The following DOCK1 variants were observed in gnomAD, a reference collection of about 807,000 sequenced individuals.
DOCK1 encodes dedicator of cytokinesis 1.
In DOCK1, 138 loss-of-function variants were observed where a neutral mutation model predicts 262.7. That is an observed-to-expected ratio of 0.53 (90% confidence interval 0.46 to 0.61). The LOEUF is 0.61. Ranked by LOEUF, DOCK1 falls within the 20% of genes least tolerant of loss-of-function variation. The pLI is 0.00. For synonymous variants in DOCK1, 866 were observed against 867.4 expected (o/e 1.00, Z 0.03); for missense variants, 1,908 against 2,370.7 (o/e 0.80, Z 4.05).
intron 1 of DOCK1, among the ~76,000 whole-genome samples, chr10:126,967,145 T>G (rs1466793368): frequency 1.3e-5 from 2 of 152,150 alleles, no homozygotes; most frequent in Non-Finnish European, 2.9e-5. Context: ...AACTGAGCGA[T>G]CAGCAAAAAG....
intron 1 of DOCK1, among the ~76,000 whole-genome samples, chr10:126,914,957 A>T (rs949101420): frequency 6.6e-6 from 1 of 152,080 alleles, no homozygotes; most frequent in African/African-American, 2.4e-5. Context: ...AGAGATGAGG[A>T]TGGTGCATAG....
At chr10:127,153,186 AAAAAG>A (rs2052678944) in intron 27 of DOCK1, among the ~76,000 whole-genome samples, 1 of 152,254 alleles carries the variant, frequency 6.6e-6, no homozygotes, top group African/African-American at 2.4e-5. Context: ...TTACATTTGC[AAAAAG>A]AAAAGAAAAA....
intron 27 of DOCK1, among the ~76,000 whole-genome samples, chr10:127,185,407 T>A (rs2056136923): frequency 6.6e-6 from 1 of 152,110 alleles, no homozygotes; most frequent in Non-Finnish European, 1.5e-5. Flanking sequence ...GTGCCTGTAA[T>A]CCCAGCTACT....
intron 22 of DOCK1, among the ~76,000 whole-genome samples, chr10:127,059,569 C>G (rs781763470): frequency 5.9e-5 from 9 of 152,114 alleles, no homozygotes; most frequent in Non-Finnish European, 8.8e-5. Flanking sequence ...TGTCTACTCT[C>G]TATTTTGTTA....
At position 127,359,055 on chromosome 10, in the gene DOCK1, G is replaced by A. The variant is rs188385461; in HGVS notation, c.3284-3009G>A. The stretch of plus-strand genomic sequence containing the variant: ...TTTTCTTTAAGTCTACACTGCAGGA[G>A]TCACCTTGGTCCTCATTGGTTCCAA... On this transcript the variant is annotated intron_variant, in intron 32 of 51. Transcript: ENST00000623213. Among the ~76,000 whole-genome samples the A allele has an allele frequency of 1.1e-4, 16 of 152,102 alleles. No homozygotes were observed. In the East Asian group the frequency reaches 2.9e-3, roughly 28 times the overall value.
intron 38 of DOCK1, among the ~76,000 whole-genome samples, chr10:127,400,129 G>T (rs2067135782): frequency 6.7e-6 from 1 of 148,704 alleles, no homozygotes; most frequent in African/African-American, 2.5e-5. Flanking sequence ...CTTTTATTTT[G>T]TTATTCAAAG....
At chr10:127,335,344 A>G (rs1049002274) in intron 29 of DOCK1, among the ~76,000 whole-genome samples, 1 of 152,154 alleles carries the variant, frequency 6.6e-6, no homozygotes, top group African/African-American at 2.4e-5. Flanking sequence ...CTGCTGGGCA[A>G]AGGACTATGA....
chr10:127,179,087 A>G (rs1341945376), intron 27 of DOCK1, among the ~76,000 whole-genome samples: 1 of 152,220 alleles, frequency 6.6e-6, no homozygotes, highest in African/African-American at 2.4e-5. Context: ...GCAATTTACT[A>G]GTAATTTATC....
At chr10:127,247,402 C>T (rs1385099561) in intron 27 of DOCK1, among the ~76,000 whole-genome samples, 3 of 152,118 alleles carry the variant, frequency 2.0e-5, no homozygotes, top group Non-Finnish European at 4.4e-5. Context: ...GTGGTGATTG[C>T]CTCCACATCG....
intron 23 of DOCK1, among the ~76,000 whole-genome samples, chr10:127,079,283 G>T (rs182608488): frequency 3.1e-4 from 47 of 152,278 alleles, no homozygotes; most frequent in Middle Eastern, 3.4e-3. Context: ...GACTCCTTCA[G>T]ACTGAAACTT....
chr10:127,034,513 G>A (rs768964149), intron 18 of DOCK1, among the ~76,000 whole-genome samples: 31 of 152,108 alleles, frequency 2.0e-4, no homozygotes, highest in Admixed American at 1.3e-3. Flanking sequence ...TCAGCAGTGC[G>A]GGGCTCAACT....
intron 27 of DOCK1, among the ~76,000 whole-genome samples, chr10:127,200,401 C>T (rs1472447803): frequency 2.0e-5 from 3 of 152,086 alleles, no homozygotes; most frequent in African/African-American, 7.2e-5. Context: ...TTGCAAGAAT[C>T]GATATTATCT....
At chr10:127,248,748 T>A (rs1426132623) in intron 28 of DOCK1, among the ~76,000 whole-genome samples, 1 of 152,200 alleles carries the variant, frequency 6.6e-6, no homozygotes, top group Non-Finnish European at 1.5e-5. Flanking sequence ...TGACTTGAAC[T>A]CTAAGATTCC....
At chr10:126,942,924 T>C (rs2134268491) in intron 1 of DOCK1, among the ~76,000 whole-genome samples, 1 of 152,328 alleles carries the variant, frequency 6.6e-6, no homozygotes, top group African/African-American at 2.4e-5. Flanking sequence ...TAAAATATAT[T>C]GATTTCTTTT....
rs904843778 is a variant in DOCK1, at chr10:127,257,513, A to G, written c.3044+84A>G. On this transcript the variant is annotated intron_variant, in intron 29 of 51. Transcript: ENST00000623213. ...GAACAGTGGTGTTGCCTGGAGACCAAGCTGGCTTCAATAAAATGCTCTGCA... is the reference window on the plus strand; with the variant it reads ...GAACAGTGGTGTTGCCTGGAGACCAGGCTGGCTTCAATAAAATGCTCTGCA... 1.0e-5 allele frequency: 13 copies of G among 1,274,632 alleles called. No individual in the cohort carries two copies. The African/African-American group carries it at 1.5e-4, about 15-fold the overall frequency. The allele number at this position is 1,274,632 out of a possible 1,614,324, so 79.0% of individuals were successfully genotyped here.
In DOCK1 at chr10:127,413,943, G is replaced by T. The variant is rs2068008328; in HGVS notation, c.4429-1209G>T. 4.0e-5 allele frequency among the ~76,000 whole-genome samples: 6 copies of T among 151,172 alleles called. 1 individual carries two copies. Among genetic ancestry groups the T allele is most frequent in the Admixed American group, 2.6e-4 (4 of 15,160 alleles). On this transcript the variant is annotated intron_variant, in intron 43 of 51. Coordinates refer to ENST00000623213, the MANE Select transcript of DOCK1 (RefSeq NM_001290223.2). Reference sequence around the variant, plus strand: ...TTTTTTTTTTTTGAGAGAGAGTCTTGCTCTGTTGCCTAGGCTGAAGTGCAG... The same window carrying T: ...TTTTTTTTTTTTGAGAGAGAGTCTTTCTCTGTTGCCTAGGCTGAAGTGCAG...
chr10:127,201,670 A>G (rs551841431), intron 27 of DOCK1, among the ~76,000 whole-genome samples: 1 of 151,894 alleles, frequency 6.6e-6, no homozygotes, highest in Non-Finnish European at 1.5e-5. Context: ...GCAGGCGTGC[A>G]CTCTGGCTCT....
intron 27 of DOCK1, among the ~76,000 whole-genome samples, chr10:127,132,920 C>T (rs1466539227): frequency 6.6e-6 from 1 of 152,138 alleles, no homozygotes; most frequent in Non-Finnish European, 1.5e-5. Context: ...GAAAAATTCC[C>T]TTTGAACATT....
chr10:127,232,460 A>T (rs1316672252), intron 27 of DOCK1, among the ~76,000 whole-genome samples: 1 of 152,188 alleles, frequency 6.6e-6, no homozygotes, highest in Non-Finnish European at 1.5e-5. Context: ...TGGGGCACTC[A>T]TCATGGCCTT....
Sources: gnomAD v4.1 joint callset for allele counts (sites outside exome capture counted in the v4.1 genomes callset) on GRCh38, gnomAD v4.1.1 for gene constraint, MANE v1.5 for transcripts, NCBI Gene and HGNC (gene_info 2026-07-23, HGNC 2026-07-21) for gene names.